Variants in SEMA6D observed in about 807,000 individuals in gnomAD.
The protein encoded by SEMA6D is semaphorin 6D, also known as semaphorin-6D.
Under a neutral mutation model 106.6 loss-of-function variants are expected in SEMA6D, and 35 were observed. The observed-to-expected ratio is 0.33, with a 90% CI of 0.25 to 0.44. The LOEUF is 0.44. Among genes scored for constraint, SEMA6D ranks in the 20% least tolerant of loss-of-function variants. The pLI is 1.00. For missense variants in SEMA6D, 1,185 were observed against 1,345.9 expected (o/e 0.88, Z 1.87); for synonymous variants, 499 against 487.7 (o/e 1.02, Z -0.31).
chr15:47,629,218 A>G (rs143122658), intron 4 of SEMA6D, among the ~76,000 whole-genome samples: 234 of 152,002 alleles, frequency 1.5e-3, no homozygotes, highest in African/African-American at 5.4e-3. Context: ...GACTCTTTCC[A>G]CCTTATTATG....
At chr15:47,324,470 A>G (rs906288116) in intron 1 of SEMA6D, among the ~76,000 whole-genome samples, 2 of 152,034 alleles carry the variant, frequency 1.3e-5, no homozygotes, top group Admixed American at 6.6e-5. Context: ...AGATCTTAAA[A>G]ACTGCGGACT....
chr15:47,689,218 T>A (rs2078533479), intron 4 of SEMA6D, among the ~76,000 whole-genome samples: 1 of 152,198 alleles, frequency 6.6e-6, no homozygotes, highest in Non-Finnish European at 1.5e-5. Flanking sequence ...TTAAAATATA[T>A]CCTTCTTGTT....
chr15:47,690,191 A>G (rs2078555878), intron 4 of SEMA6D, among the ~76,000 whole-genome samples: 1 of 152,188 alleles, frequency 6.6e-6, no homozygotes, highest in East Asian at 1.9e-4. Context: ...TGAAAAAGTC[A>G]AAAGCCTCAA....
intron 4 of SEMA6D, among the ~76,000 whole-genome samples, chr15:47,639,444 T>C (rs549157468): frequency 7.9e-5 from 12 of 152,302 alleles, no homozygotes; most frequent in Admixed American, 5.2e-4. Context: ...GACTCAAGTC[T>C]CCCATGCAGA....
At chr15:47,236,043 A>G (rs763415267) in intron 1 of SEMA6D, among the ~76,000 whole-genome samples, 2 of 152,250 alleles carry the variant, frequency 1.3e-5, no homozygotes, top group East Asian at 3.9e-4. Context: ...ACACAAATTC[A>G]TGCTTCTTAC....
At chr15:47,621,319 G>A (rs936829267) in intron 4 of SEMA6D, among the ~76,000 whole-genome samples, 3 of 152,064 alleles carry the variant, frequency 2.0e-5, no homozygotes, top group East Asian at 3.9e-4. Context: ...CTGCAGTCAC[G>A]ATCAGAAATA....
At chr15:47,371,119 AT>A (rs1469298280) in intron 1 of SEMA6D, among the ~76,000 whole-genome samples, 2 of 152,182 alleles carry the variant, frequency 1.3e-5, no homozygotes, top group African/African-American at 4.8e-5. Flanking sequence ...ATGGACTCTC[AT>A]GTACTTTTCC....
intron 3 of SEMA6D, among the ~76,000 whole-genome samples, chr15:47,488,325 T>C (rs1033843990): frequency 2.6e-5 from 4 of 152,186 alleles, no homozygotes; most frequent in South Asian, 4.2e-4. Context: ...TGTTTCCATA[T>C]GTACATGAAG....
At chr15:47,629,461 A>T (rs1279992720) in intron 4 of SEMA6D, among the ~76,000 whole-genome samples, 1 of 151,940 alleles carries the variant, frequency 6.6e-6, no homozygotes, top group Non-Finnish European at 1.5e-5. Flanking sequence ...ATATATAATA[A>T]TTTACATATT....
At chr15:47,567,483 A>C (rs1248976058) in intron 3 of SEMA6D, among the ~76,000 whole-genome samples, 1 of 152,182 alleles carries the variant, frequency 6.6e-6, no homozygotes, top group Admixed American at 6.5e-5. Flanking sequence ...CTTCCTCATT[A>C]TCTTTGCTCT....
intron 4 of SEMA6D, among the ~76,000 whole-genome samples, chr15:47,659,480 T>C (rs542870366): frequency 6.6e-6 from 1 of 151,832 alleles, no homozygotes; most frequent in Non-Finnish European, 1.5e-5. Flanking sequence ...TTAAAAAAAA[T>C]TAAAGTATTA....
At chr15:47,760,016 C>T (rs1001679753) in intron 2 of SEMA6D, 109 bp downstream of exon 2, 2 of 850,548 alleles carry the variant, frequency 2.4e-6, no homozygotes, top group East Asian at 2.5e-5. Context: ...TATGTCTTAA[C>T]CTTGAATTTG....
At chr15:47,285,974 G>T (rs1269730926) in intron 1 of SEMA6D, among the ~76,000 whole-genome samples, 1 of 152,148 alleles carries the variant, frequency 6.6e-6, no homozygotes, top group Non-Finnish European at 1.5e-5. Context: ...TAACTTTTAT[G>T]AGTGATAATT....
At chr15:47,445,650 G>T (rs2042006535) in intron 2 of SEMA6D, among the ~76,000 whole-genome samples, 1 of 151,948 alleles carries the variant, frequency 6.6e-6, no homozygotes, top group African/African-American at 2.4e-5. Context: ...ACCTATTGCT[G>T]AACCGTTCCC....
intron 1 of SEMA6D, among the ~76,000 whole-genome samples, chr15:47,307,276 G>A (rs1394237648): frequency 6.6e-6 from 1 of 152,152 alleles, no homozygotes. Flanking sequence ...TTTATTAACT[G>A]CAAATTTATG....
rs756028175 is a variant in SEMA6D, at chr15:47,761,435, A to G, written c.447+4A>G. 1.4e-5 allele frequency: 23 copies of G among 1,593,248 alleles called. No homozygotes were observed. Among genetic ancestry groups the G allele is most frequent in the Non-Finnish European group, 2.6e-6 (3 of 1,167,774 alleles). ...TCCCATGTGTAGATACTACAGGGTAAGTATATTTTATGTGATATGCTTCTT... is the reference window on the plus strand; with the variant it reads ...TCCCATGTGTAGATACTACAGGGTAGGTATATTTTATGTGATATGCTTCTT... On this transcript the variant is annotated splice_donor_region_variant and intron_variant, in intron 6 of 18. Transcript: ENST00000536845.
chr15:47,771,435 C>T lies in SEMA6D; in HGVS notation c.2872C>T (p.Leu958=). The T allele has an allele frequency of 6.2e-7, 1 of 1,614,122 alleles. No homozygotes were observed. Among genetic ancestry groups the T allele is most frequent in the Non-Finnish European group, 8.5e-7 (1 of 1,180,002 alleles). Reference sequence around the variant, plus strand: ...CACTCCTGGAGTCCCAATGACTTCTCTGGAAAGACAAAGAGGTTATCACAA... The same window carrying T: ...CACTCCTGGAGTCCCAATGACTTCTTTGGAAAGACAAAGAGGTTATCACAA... ...PTTPGVPMTS[L]ERQRGYHKNS... is the part of the protein sequence containing the mutation. The change falls in exon 19 of 19, where the codon CTG becomes TTG. Residue 958 remains leucine, a synonymous_variant. Transcript: ENST00000536845.
intron 3 of SEMA6D, among the ~76,000 whole-genome samples, chr15:47,517,319 T>A (rs2044420690): frequency 6.6e-6 from 1 of 152,090 alleles, no homozygotes; most frequent in Non-Finnish European, 1.5e-5. Context: ...AGAAGGCAGA[T>A]GTCTTTGAGG....
intron 3 of SEMA6D, among the ~76,000 whole-genome samples, chr15:47,482,843 C>A (rs2043191505): frequency 6.6e-6 from 1 of 151,552 alleles, no homozygotes. Context: ...ATAGAAATGG[C>A]TTAGAGAGAG....
Sources: gnomAD v4.1 joint callset for allele counts (sites outside exome capture counted in the v4.1 genomes callset) on GRCh38, gnomAD v4.1.1 for gene constraint, MANE v1.5 for transcripts, NCBI Gene and HGNC (gene_info 2026-07-23, HGNC 2026-07-21) for gene names.